NALF1: variants seen among roughly 807,000 people sequenced by gnomAD.
The protein encoded by NALF1 is family with sequence similarity 155 member A.
A neutral mutation model predicts 48.4 loss-of-function variants in NALF1; 3 were observed. The observed-to-expected ratio is 0.06, with a 90% CI of 0.03 to 0.16. NALF1 has a LOEUF of 0.16. Ranked by LOEUF, NALF1 falls within the 10% of genes least tolerant of loss-of-function variation. NALF1 has a pLI of 1.00. For missense variants in NALF1, 526 were observed against 571.5 expected, an observed-to-expected ratio of 0.92 and a Z score of 0.81; for synonymous variants, 262 against 245.7, an observed-to-expected ratio of 1.07 and a Z score of -0.62.
intron 1 of NALF1, among the ~76,000 whole-genome samples, chr13:107,239,122 GA>G (rs1035548488): frequency 5.3e-5 from 8 of 151,816 alleles, no homozygotes; most frequent in South Asian, 2.1e-4. Flanking sequence ...GAAAGATGAA[GA>G]AAAAAAAGGA....
chr13:107,842,138 T>C (rs753070272), intron 1 of NALF1, among the ~76,000 whole-genome samples: 8 of 152,208 alleles, frequency 5.3e-5, no homozygotes, highest in Non-Finnish European at 8.8e-5. Context: ...AATTGATTAT[T>C]TTATTTCTTT....
At chr13:107,703,979 A>C (rs183398583) in intron 1 of NALF1, among the ~76,000 whole-genome samples, 281 of 148,050 alleles carry the variant, frequency 1.9e-3, no homozygotes, top group Admixed American at 0.014. Context: ...TACTCTTATT[A>C]ATAGTTTGGC....
intron 1 of NALF1, among the ~76,000 whole-genome samples, chr13:107,666,510 G>A (rs140077840): frequency 6.6e-5 from 10 of 152,098 alleles, no homozygotes; most frequent in South Asian, 2.1e-4. Flanking sequence ...CCACCGTTTT[G>A]GCACCCACGG....
chr13:107,429,957 T>C (rs1214541105), intron 1 of NALF1, among the ~76,000 whole-genome samples: 1 of 152,216 alleles, frequency 6.6e-6, no homozygotes, highest in African/African-American at 2.4e-5. Context: ...TCAATAAAGC[T>C]GTTATACAAA....
At chr13:107,783,795 C>T (rs1168047778) in intron 1 of NALF1, among the ~76,000 whole-genome samples, 1 of 151,366 alleles carries the variant, frequency 6.6e-6, no homozygotes, top group African/African-American at 2.4e-5. Flanking sequence ...TGCTGACCTT[C>T]CCTCCACTAT....
At chr13:107,859,386 G>C (rs1357335834) in intron 1 of NALF1, among the ~76,000 whole-genome samples, 1 of 152,114 alleles carries the variant, frequency 6.6e-6, no homozygotes, top group Non-Finnish European at 1.5e-5. Flanking sequence ...AAGCATCTGA[G>C]ATAGCTTCTA....
intron 1 of NALF1, among the ~76,000 whole-genome samples, chr13:107,288,057 T>C (rs1004547951): frequency 1.1e-4 from 17 of 152,036 alleles, no homozygotes; most frequent in Non-Finnish European, 2.4e-4. Context: ...AAGACTTCAT[T>C]CTTCCCATAT....
chr13:107,797,618 T>C (rs1214435548), intron 1 of NALF1, among the ~76,000 whole-genome samples: 1 of 152,174 alleles, frequency 6.6e-6, no homozygotes, highest in Non-Finnish European at 1.5e-5. Context: ...GCACTGGGGC[T>C]TTATCAATGA....
At chr13:107,722,596 G>A (rs529511534) in intron 1 of NALF1, among the ~76,000 whole-genome samples, 2 of 152,048 alleles carry the variant, frequency 1.3e-5, no homozygotes, top group Non-Finnish European at 2.9e-5. Context: ...ACACTACCAC[G>A]CTCCTTCTGA....
intron 1 of NALF1, among the ~76,000 whole-genome samples, chr13:107,492,469 A>T (rs1875173466): frequency 6.6e-6 from 1 of 152,066 alleles, no homozygotes; most frequent in Non-Finnish European, 1.5e-5. Context: ...TCTTTCCCGC[A>T]CCACAGCTTC....
At chr13:107,178,825 G>A (rs1878996680) in intron 2 of NALF1, among the ~76,000 whole-genome samples, 1 of 152,008 alleles carries the variant, frequency 6.6e-6, no homozygotes, top group Non-Finnish European at 1.5e-5. Flanking sequence ...GGTGCCTGTA[G>A]TCGCAGCTAC....
rs557510045 is a variant in NALF1 at position 107,267,410 on chromosome 13, G to A, written c.916-56655C>T. Among the ~76,000 whole-genome samples, 341 of 152,148 alleles carry A rather than the reference G, an allele frequency of 2.2e-3. 1 individual carries two copies. The highest frequency in any genetic ancestry group is 4.2e-3 in the Non-Finnish European group (284 of 68,000). Reference sequence around the variant, plus strand: ...GGGAGGTGGAGGGAAGGAGATGGAGGTGGGCATGACCATAAAAAAAAACAA... The same window carrying A: ...GGGAGGTGGAGGGAAGGAGATGGAGATGGGCATGACCATAAAAAAAAACAA... On this transcript the variant is annotated intron_variant, in intron 1 of 2. Transcript: ENST00000375915.
chr13:107,368,897 A>G (rs1209753851), intron 1 of NALF1, among the ~76,000 whole-genome samples: 1 of 152,106 alleles, frequency 6.6e-6, no homozygotes, highest in East Asian at 1.9e-4. Flanking sequence ...TTCACCTCCT[A>G]CAATGCCCAT....
intron 1 of NALF1, among the ~76,000 whole-genome samples, chr13:107,353,153 C>G (rs960644305): frequency 2.0e-5 from 3 of 152,108 alleles, no homozygotes; most frequent in Admixed American, 1.3e-4. Flanking sequence ...CACTTCCCTA[C>G]GGAAAAGGGT....
At chr13:107,325,169 T>C (rs371144411) in intron 1 of NALF1, among the ~76,000 whole-genome samples, 131 of 152,306 alleles carry the variant, frequency 8.6e-4, no homozygotes, top group South Asian at 5.8e-3. Context: ...CCATTTACTG[T>C]ATTTTTGAGA....
chr13:107,501,115 T>A (rs28698845), intron 1 of NALF1, among the ~76,000 whole-genome samples: 38,103 of 150,922 alleles, frequency 0.25, 4,904 homozygotes, highest in East Asian at 0.28. Context: ...TAATAAAATT[T>A]AAAAAAAAAG....
chr13:107,351,617 A>G (rs1882876806), intron 1 of NALF1, among the ~76,000 whole-genome samples: 1 of 152,148 alleles, frequency 6.6e-6, no homozygotes, highest in Admixed American at 6.5e-5. Flanking sequence ...GCTTATGCAA[A>G]TCTCTCCCTT....
intron 1 of NALF1, among the ~76,000 whole-genome samples, chr13:107,448,890 C>G (rs1288054656): frequency 1.3e-5 from 2 of 152,194 alleles, no homozygotes; most frequent in Non-Finnish European, 2.9e-5. Flanking sequence ...CTTTTGCTAG[C>G]AGTCCTCCCT....
intron 1 of NALF1, among the ~76,000 whole-genome samples, chr13:107,417,327 T>C (rs1884107450): frequency 6.6e-6 from 1 of 152,160 alleles, no homozygotes; most frequent in African/African-American, 2.4e-5. Context: ...CAGGTATTGA[T>C]TTTGTTTGCA....
Sources: allele counts gnomAD v4.1 joint callset (sites outside exome capture counted in the v4.1 genomes callset), GRCh38; gene constraint gnomAD v4.1.1; transcripts MANE v1.5; gene names NCBI Gene and HGNC (gene_info 2026-07-23, HGNC 2026-07-21).